The following AGBL1 variants were observed in gnomAD, a reference collection of about 807,000 sequenced individuals.
AGBL1 encodes the protein AGBL carboxypeptidase 1, also known as cytosolic carboxypeptidase 4.
Under a neutral mutation model 118.9 loss-of-function variants are expected in AGBL1, and 130 were observed. That is an observed-to-expected ratio of 1.09 (90% CI 0.95 to 1.26). The LOEUF is 1.26. Among genes scored for constraint, AGBL1 ranks in the 50% most tolerant of loss-of-function variants. The pLI is 0.00. For synonymous variants in AGBL1, 555 were observed against 478.9 expected (o/e 1.16, Z -2.08); for missense variants, 1,584 against 1,298.1 (o/e 1.22, Z -3.38).
intron 15 of AGBL1, 31 bp downstream of exon 15, chr15:86,271,737 T>A: frequency 1.3e-6 from 2 of 1,559,212 alleles, no homozygotes; most frequent in Non-Finnish European, 1.8e-6. Flanking sequence ...CTTCCTTTTC[T>A]CTGTCCTGTA....
chr15:86,997,974 T>A (rs1265591262), intron 24 of AGBL1, among the ~76,000 whole-genome samples: 1 of 151,960 alleles, frequency 6.6e-6, no homozygotes, highest in East Asian at 1.9e-4. Context: ...TACTTTCTTA[T>A]ACTTTACATG....
chr15:86,939,824 G>C (rs2080724661), intron 23 of AGBL1: 1 of 152,114 alleles, frequency 6.6e-6, no homozygotes, highest in Non-Finnish European at 1.5e-5. Flanking sequence ...AAATGCACCA[G>C]TAATTTTGGC....
chr15:86,724,369 G>C (rs972147878), intron 22 of AGBL1, among the ~76,000 whole-genome samples: 4 of 152,124 alleles, frequency 2.6e-5, no homozygotes, highest in Non-Finnish European at 5.9e-5. Context: ...TACCGGTGTG[G>C]ATCTTGAAGT....
intron 5 of AGBL1, among the ~76,000 whole-genome samples, chr15:86,183,290 TATGAC>T (rs1217729888): frequency 2.0e-5 from 3 of 152,206 alleles, no homozygotes; most frequent in Non-Finnish European, 4.4e-5. Context: ...TTTTTGACTC[TATGAC>T]ATATCAGTAA....
intron 1 of AGBL1, chr15:86,109,722 G>T (rs1384122203): frequency 1.3e-5 from 2 of 152,172 alleles, no homozygotes; most frequent in Non-Finnish European, 2.9e-5. Flanking sequence ...ATTTTATAAA[G>T]CAGATTCCAG....
At position 86,397,181 on chromosome 15, in the gene AGBL1, C is replaced by T. The variant is rs17670769; in HGVS notation, c.2375-185C>T. ...GATTCTGTATGAGTAAGATCGTATC[C>T]CATGAGAAAAAGAGAATACAAGATA... is the stretch of plus-strand genomic sequence containing the variant. On this transcript the variant is annotated intron_variant, in intron 17 of 22. Transcript: ENST00000614907. 2.7e-3 allele frequency among the ~76,000 whole-genome samples: 405 copies of T among 151,340 alleles called. 4 individuals carry two copies. Among genetic ancestry groups the T allele is most frequent in the Middle Eastern group, 6.8e-3 (2 of 294 alleles).
chr15:86,670,672 TATATA>T (rs1427815945), intron 21 of AGBL1, among the ~76,000 whole-genome samples: 4 of 144,690 alleles, frequency 2.8e-5, no homozygotes, highest in African/African-American at 1.0e-4. Flanking sequence ...ATAGCAAACT[TATATA>T]GTAAGAATAG....
At chr15:86,827,346 T>C (rs371033556) in intron 22 of AGBL1, among the ~76,000 whole-genome samples, 15 of 7,824 alleles carry the variant, frequency 1.9e-3, no homozygotes, top group Admixed American at 5.8e-3. Flanking sequence ...TATGTGTATA[T>C]ATATATATAT....
intron 22 of AGBL1, among the ~76,000 whole-genome samples, chr15:86,798,050 C>T (rs868563627): frequency 6.6e-6 from 1 of 152,100 alleles, no homozygotes; most frequent in Admixed American, 6.5e-5. Flanking sequence ...GAGAAATGGC[C>T]GACCACTTGG....
intron 17 of AGBL1, among the ~76,000 whole-genome samples, chr15:86,328,773 GC>G (rs2141857550): frequency 6.6e-6 from 1 of 152,276 alleles, no homozygotes; most frequent in East Asian, 1.9e-4. Flanking sequence ...TTTCTCCCAA[GC>G]CCTAGAGCTA....
chr15:86,308,167 C>T (rs1439575834), intron 17 of AGBL1, among the ~76,000 whole-genome samples: 1 of 152,124 alleles, frequency 6.6e-6, no homozygotes, highest in Non-Finnish European at 1.5e-5. Flanking sequence ...CTGAGTTACT[C>T]ATTTTTCATT....
intron 1 of AGBL1, among the ~76,000 whole-genome samples, chr15:86,124,289 C>A: frequency 6.9e-6 from 1 of 144,680 alleles, no homozygotes; most frequent in Non-Finnish European, 1.5e-5. Flanking sequence ...GAGATTGCAC[C>A]ACTGCACTAC....
At chr15:86,621,938 A>T (rs1458464532) in intron 21 of AGBL1, among the ~76,000 whole-genome samples, 2 of 152,206 alleles carry the variant, frequency 1.3e-5, no homozygotes, top group Non-Finnish European at 2.9e-5. Flanking sequence ...ACAGAGTAGG[A>T]CATTTTTAGA....
intron 18 of AGBL1, among the ~76,000 whole-genome samples, chr15:86,412,941 T>C (rs1035671132): frequency 6.6e-6 from 1 of 152,166 alleles, no homozygotes; most frequent in African/African-American, 2.4e-5. Flanking sequence ...TTGACTTTAC[T>C]AATGAAAAAA....
chr15:86,149,472 G>T (rs1239226083), intron 3 of AGBL1, among the ~76,000 whole-genome samples: 2 of 152,156 alleles, frequency 1.3e-5, no homozygotes, highest in African/African-American at 4.8e-5. Context: ...AGCAGGGGTT[G>T]CAGTCCTAGT....
chr15:86,503,860 C>G (rs907783336), intron 18 of AGBL1, among the ~76,000 whole-genome samples: 3 of 151,540 alleles, frequency 2.0e-5, no homozygotes, highest in African/African-American at 7.2e-5. Context: ...GTGATCTACT[C>G]TACAGAATGT....
intron 17 of AGBL1, among the ~76,000 whole-genome samples, chr15:86,318,696 A>ATTTTTTTT (rs57988335): frequency 1.2e-5 from 1 of 81,950 alleles, no homozygotes; most frequent in African/African-American, 4.9e-5. Context: ...TTGATCATAG[A>ATTTTTTTT]TTTTTTTTTT....
At chr15:86,595,771 A>G (rs368280738) in intron 21 of AGBL1, among the ~76,000 whole-genome samples, 7 of 152,286 alleles carry the variant, frequency 4.6e-5, no homozygotes, top group African/African-American at 1.7e-4. Context: ...TACTCAAATC[A>G]GCCTCCCCAA....
chr15:86,516,716 G>A (rs111447639), intron 18 of AGBL1, among the ~76,000 whole-genome samples: 5,716 of 150,434 alleles, frequency 0.038, 395 homozygotes, highest in African/African-American at 0.13. Context: ...CAGGAGAATC[G>A]CTTGAACCCA....
Sources: allele counts gnomAD v4.1 joint callset (sites outside exome capture counted in the v4.1 genomes callset), GRCh38; gene constraint gnomAD v4.1.1; transcripts MANE v1.5; gene names NCBI Gene and HGNC (gene_info 2026-07-23, HGNC 2026-07-21).